Variants in TMEM165 observed in about 807,000 individuals in gnomAD.
TMEM165 encodes transmembrane protein 165.
In TMEM165, 19 loss-of-function variants were observed where a neutral mutation model predicts 30.0. That is an observed-to-expected ratio of 0.63 (90% CI 0.44 to 0.93). The LOEUF is 0.93. Among genes scored for constraint, TMEM165 ranks in the 40% least tolerant of loss-of-function variants. TMEM165 has a pLI of 0.00. For synonymous variants in TMEM165, 168 were observed against 162.9 expected (o/e 1.03, Z -0.24); for missense variants, 340 against 417.0 (o/e 0.82, Z 1.61).
intron 4 of TMEM165, among the ~76,000 whole-genome samples, chr4:55,422,438 A>G (rs528685657): frequency 6.6e-6 from 1 of 152,040 alleles, no homozygotes; most frequent in African/African-American, 2.4e-5. Context: ...TTGTATTTTT[A>G]GTAAAGATGG....
Position 55,425,533 on chromosome 4 carries a change from G to A in TMEM165, c.*81G>A. On this transcript the variant is annotated 3_prime_UTR_variant, in exon 6 of 6. Coordinates refer to ENST00000381334, the MANE Select transcript of TMEM165 (RefSeq NM_018475.5). ...CATAGTGTACATTACAACTAAAAGT[G>A]ATGGAAAAATACTGTATTTTGTAGC... 8.9e-7 allele frequency: 1 copy of A among 1,124,810 alleles called. No individual in the cohort carries two copies. The highest frequency in any genetic ancestry group is 1.3e-6 in the Non-Finnish European group (1 of 760,662). The allele number at this position is 1,124,810 out of a possible 1,614,324, so 69.7% of individuals were successfully genotyped here.
At chr4:55,447,047 TG>T (rs1293482098) in intron 3 of TMEM165, among the ~76,000 whole-genome samples, 1 of 151,966 alleles carries the variant, frequency 6.6e-6, no homozygotes, top group Non-Finnish European at 1.5e-5. Flanking sequence ...TTTTTTTTTT[TG>T]TTTTTTTTTA....
chr4:55,402,795 C>CTTTTTTTTTTTTTTT (rs71194554), intron 1 of TMEM165, among the ~76,000 whole-genome samples: 13,099 of 70,694 alleles, frequency 0.19, 3,985 homozygotes, highest in East Asian at 0.27. Flanking sequence ...TTAAAAAAAG[C>CTTTTTTTTTTTTTTT]TTTTTTTTTT....
At chr4:55,435,871 G>A (rs1433897870) in intron 3 of TMEM165, among the ~76,000 whole-genome samples, 5 of 152,246 alleles carry the variant, frequency 3.3e-5, no homozygotes, top group East Asian at 1.9e-4. Flanking sequence ...AATCACACAC[G>A]TTCTTTCACT....
intron 1 of TMEM165, among the ~76,000 whole-genome samples, chr4:55,405,141 C>G (rs1721220237): frequency 6.6e-6 from 1 of 152,072 alleles, no homozygotes; most frequent in Non-Finnish European, 1.5e-5. Flanking sequence ...TGTTGGAAAT[C>G]TCATCTACTT....
At chr4:55,402,844 T>G (rs1173291968) in intron 1 of TMEM165, among the ~76,000 whole-genome samples, 5 of 133,566 alleles carry the variant, frequency 3.7e-5, no homozygotes, top group Non-Finnish European at 1.5e-5. Context: ...CAGGCTGGAG[T>G]GCAGTGGCGT....
chr4:55,449,341 AT>A, intron 3 of TMEM165: 3 of 1,455,148 alleles, frequency 2.1e-6, no homozygotes, highest in Non-Finnish European at 1.9e-6. Context: ...GATTTAGATC[AT>A]TTTTCCCCTC....
At chr4:55,417,040 G>T in intron 2 of TMEM165, 32 bp from the exon 3 acceptor site, 1 of 1,534,000 alleles carries the variant, frequency 6.5e-7, no homozygotes, top group South Asian at 1.3e-5. Flanking sequence ...ATACACACTC[G>T]ATTAACAAAC....
intron 3 of TMEM165, among the ~76,000 whole-genome samples, chr4:55,444,468 A>G (rs138221837): frequency 1.3e-5 from 2 of 152,366 alleles, no homozygotes; most frequent in African/African-American, 4.8e-5. Context: ...TTATCTTTAG[A>G]GACTGTAAGT....
At chr4:55,434,042 C>A (rs1048004) in intron 3 of TMEM165, 37,610 of 152,430 alleles carry the variant, frequency 0.25, 4,976 homozygotes, top group South Asian at 0.37. Context: ...ATTATTTGTA[C>A]CTCCAGTCCA....
In TMEM165 at chr4:55,396,127, G is replaced by C. The variant is rs899293005; in HGVS notation, c.-63G>C. 3.6e-5 allele frequency: 47 copies of C among 1,291,280 alleles called. No individual in the cohort carries two copies. In the East Asian group the frequency reaches 1.5e-3, roughly 40 times the overall value. 80.0% of individuals were successfully genotyped at this position (1,291,280 alleles called of 1,614,324 possible). A position where few individuals can be genotyped will look rare whatever the true frequency, so the allele number is the denominator to read the frequency against. On this transcript the variant is annotated 5_prime_UTR_variant, in exon 1 of 6. Transcript: ENST00000381334. ...CGCGCCGCGGAGGCTGTTCGGGGTCGAGGCTTCCCGTCGCCGGCACTTCCT... is the reference window on the plus strand; with the variant it reads ...CGCGCCGCGGAGGCTGTTCGGGGTCCAGGCTTCCCGTCGCCGGCACTTCCT...
rs1723206011 is a variant in TMEM165 at position 55,439,843 on chromosome 4, GA to G, written c.409-12395del. Among the ~76,000 whole-genome samples the G allele has an allele frequency of 2.6e-5, 4 of 152,248 alleles. 1 individual carries two copies. The South Asian group carries it at 8.3e-4, about 32-fold the overall frequency. ...GACAGAAAGTAGAATGGTGGTTGGGGAGAGAAGAATGGGGACTTGTATAATG... is the reference window on the plus strand; with the variant it reads ...GACAGAAAGTAGAATGGTGGTTGGGGGAGAAGAATGGGGACTTGTATAATG... On this transcript the variant is annotated intron_variant, in intron 3 of 3. Coordinates refer to the TMEM165 transcript ENST00000608091.
At chr4:55,413,334 A>G (rs2109544985) in intron 2 of TMEM165, among the ~76,000 whole-genome samples, 1 of 151,698 alleles carries the variant, frequency 6.6e-6, no homozygotes, top group South Asian at 2.1e-4. Context: ...ATTTATTTTG[A>G]GACAGACTCT....
In TMEM165 at chr4:55,450,714, A is replaced by C. The variant is rs1035881354; in HGVS notation, c.409-1525A>C. Among the ~76,000 whole-genome samples the C allele has an allele frequency of 5.9e-5, 9 of 152,182 alleles. No individual in the cohort carries two copies. In the East Asian group the frequency reaches 7.7e-4, roughly 13 times the overall value. The stretch of plus-strand genomic sequence containing the variant: ...AACTGAGGAGGCGGAGGATGTAGTG[A>C]GCCGAGATCCTGCCACTGCATTCCA... On this transcript the variant is annotated intron_variant, in intron 3 of 3. Coordinates refer to the TMEM165 transcript ENST00000608091.
chr4:55,427,811 CTG>C (rs2109575610), downstream of TMEM165: 1 of 152,276 alleles, frequency 6.6e-6, no homozygotes, highest in South Asian at 2.1e-4. Flanking sequence ...CATAATTCCT[CTG>C]AGAATTTTTG....
intron 1 of TMEM165, among the ~76,000 whole-genome samples, chr4:55,409,017 T>A (rs1004712598): frequency 1.1e-4 from 16 of 150,552 alleles, no homozygotes; most frequent in Non-Finnish European, 2.4e-4. Context: ...CAGGCTGGAG[T>A]GCAATGGTGC....
intron 3 of TMEM165, chr4:55,438,673 A>G: frequency 7.7e-7 from 1 of 1,298,088 alleles, no homozygotes; most frequent in East Asian, 2.5e-5. Context: ...GTATATTCCT[A>G]CTTTGTTTCA....
At chr4:55,449,020 T>C (rs748232409) in intron 3 of TMEM165, 94 of 668,674 alleles carry the variant, frequency 1.4e-4, no homozygotes, top group Non-Finnish European at 2.0e-4. Flanking sequence ...CTCATCTATA[T>C]TGGAAAGGCC....
intron 3 of TMEM165, chr4:55,435,668 C>T: frequency 6.8e-7 from 1 of 1,465,054 alleles, no homozygotes; most frequent in South Asian, 1.1e-5. Flanking sequence ...CTCACACTCT[C>T]CCCTGTCCAT....
Sources: gnomAD v4.1 joint callset for allele counts (sites outside exome capture counted in the v4.1 genomes callset) on GRCh38, gnomAD v4.1.1 for gene constraint, MANE v1.5 for transcripts, NCBI Gene and HGNC (gene_info 2026-07-23, HGNC 2026-07-21) for gene names.